The following CCSER2 variants were observed in gnomAD, a reference collection of about 807,000 sequenced individuals.
CCSER2 encodes serine-rich coiled-coil domain-containing protein 2.
A neutral mutation model predicts 92.3 loss-of-function variants in CCSER2; 46 were observed. The observed-to-expected ratio is 0.50, with a 90% CI of 0.39 to 0.64. The LOEUF is 0.64. CCSER2 is among the 30% of genes least tolerant of loss of function. The probability of loss-of-function intolerance (pLI) is 0.00; values close to 1 mark genes in which losing one functional copy is unlikely to be tolerated. For missense variants in CCSER2, 1,244 were observed against 1,238.9 expected (o/e 1.00, Z -0.06); for synonymous variants, 433 against 431.4 (o/e 1.00, Z -0.04).
At chr10:84,360,242 C>T (rs1845423423) in intron 1 of CCSER2, among the ~76,000 whole-genome samples, 1 of 152,026 alleles carries the variant, frequency 6.6e-6, no homozygotes, top group South Asian at 2.1e-4. Context: ...AACTGTCACA[C>T]TCCCTTTTTT....
Position 84,516,774 on chromosome 10 carries a change from T to G in CCSER2, c.*2507T>G, listed in dbSNP as rs1849611015. On this transcript the variant is annotated 3_prime_UTR_variant, in exon 10 of 10. Transcript: ENST00000372088. The stretch of plus-strand genomic sequence containing the variant: ...TCCTTCCCTGATGGATTTGCAGAAA[T>G]GTTAACCAATTAGCTCAACTTTTCT... 1.3e-5 allele frequency: 2 copies of G among 152,204 alleles called. No homozygotes were observed. The allele number at this position is 152,204 out of a possible 1,614,324, so 9.4% of individuals were successfully genotyped here. A position where few individuals can be genotyped will look rare whatever the true frequency, so the allele number is the denominator to read the frequency against.
chr10:84,513,334 C>T, intron 9 of CCSER2, 115 bp from the exon 10 acceptor site: 1 of 770,940 alleles, frequency 1.3e-6, no homozygotes, highest in Non-Finnish European at 2.1e-6. Flanking sequence ...AGAAACTCCA[C>T]ATATTTTCCA....
At chr10:84,401,231 A>T (rs1842100381) in intron 3 of CCSER2, among the ~76,000 whole-genome samples, 1 of 152,166 alleles carries the variant, frequency 6.6e-6, no homozygotes, top group Non-Finnish European at 1.5e-5. Context: ...TGGAATTAAA[A>T]GCCCAAAAGT....
intron 1 of CCSER2, among the ~76,000 whole-genome samples, chr10:84,329,471 A>ACTT (rs1564569541): frequency 6.6e-6 from 1 of 152,220 alleles, no homozygotes; most frequent in Non-Finnish European, 1.5e-5. Context: ...CTCCCAGACA[A>ACTT]GGCCTTAGCG....
At chr10:84,422,359 G>T (rs1843192257) in intron 4 of CCSER2, among the ~76,000 whole-genome samples, 1 of 152,158 alleles carries the variant, frequency 6.6e-6, no homozygotes, top group African/African-American at 2.4e-5. Flanking sequence ...ATATTTTAGT[G>T]CCTGTATCAA....
chr10:84,338,636 T>A (rs1343745093), intron 1 of CCSER2, among the ~76,000 whole-genome samples: 1 of 152,220 alleles, frequency 6.6e-6, no homozygotes, highest in Admixed American at 6.5e-5. Flanking sequence ...AATTTTGATT[T>A]AGCAACCTAT....
intron 1 of CCSER2, among the ~76,000 whole-genome samples, chr10:84,353,011 C>T (rs1340479578): frequency 1.3e-5 from 2 of 152,120 alleles, no homozygotes; most frequent in Non-Finnish European, 2.9e-5. Flanking sequence ...AGGCTGGTCT[C>T]GAACTCCTGA....
In CCSER2 at chr10:84,513,994, T is replaced by C; in HGVS notation, c.2871T>C (p.Asn957=). 6.5e-7 allele frequency: 1 copy of C among 1,536,680 alleles called. No homozygotes were observed. Among genetic ancestry groups the C allele is most frequent in the African/African-American group, 1.4e-5 (1 of 73,148 alleles). Residue 957 remains asparagine (N), a synonymous_variant, in exon 10 of 10, where the codon AAT becomes AAC. Coordinates refer to ENST00000372088, the MANE Select transcript of CCSER2 (RefSeq NM_001284240.2). ...AGTCACCAATAATCACAACATGTAATTCAGCAAAACTTCAGCCAACATCTA... is the reference window on the plus strand; with the variant it reads ...AGTCACCAATAATCACAACATGTAACTCAGCAAAACTTCAGCCAACATCTA... ...CKKSPIITTC[N]SAKLQPTSSQ...
intron 6 of CCSER2, among the ~76,000 whole-genome samples, chr10:84,457,307 T>TAAA (rs1476681927): frequency 0.048 from 2,554 of 53,496 alleles, 131 homozygotes; most frequent in Non-Finnish European, 0.068. Flanking sequence ...ATATAATATG[T>TAAA]TATATATAAT....
chr10:84,457,350 A>T (rs1231645778), intron 6 of CCSER2, among the ~76,000 whole-genome samples: 10 of 66,330 alleles, frequency 1.5e-4, no homozygotes, highest in Admixed American at 4.7e-4. Flanking sequence ...TATTATATAT[A>T]ATATATATAT....
intron 1 of CCSER2, among the ~76,000 whole-genome samples, chr10:84,364,343 A>G (rs895765089): frequency 2.0e-5 from 3 of 152,248 alleles, no homozygotes; most frequent in African/African-American, 4.8e-5. Flanking sequence ...TCATGGGACC[A>G]TCGTTGTAAA....
At chr10:84,453,074 G>T (rs189024415) in intron 6 of CCSER2, among the ~76,000 whole-genome samples, 78 of 152,238 alleles carry the variant, frequency 5.1e-4, no homozygotes, top group African/African-American at 1.9e-3. Context: ...AAAAGGAGCA[G>T]AATTTTTTGA....
chr10:84,351,420 T>C (rs1397701863), intron 1 of CCSER2, among the ~76,000 whole-genome samples: 1 of 151,984 alleles, frequency 6.6e-6, no homozygotes, highest in African/African-American at 2.4e-5. Context: ...TTAGTAGAGA[T>C]GAGGTTTCGT....
intron 9 of CCSER2, among the ~76,000 whole-genome samples, chr10:84,482,206 C>T (rs1022367384): frequency 6.6e-6 from 1 of 151,874 alleles, no homozygotes; most frequent in Non-Finnish European, 1.5e-5. Flanking sequence ...AAGAATGAGC[C>T]GTAAGAGCAG....
At chr10:84,396,252 TATAG>T (rs1328080862) in intron 3 of CCSER2, among the ~76,000 whole-genome samples, 9 of 150,200 alleles carry the variant, frequency 6.0e-5, no homozygotes, top group South Asian at 2.1e-4. Context: ...CATACATAGT[TATAG>T]ATATAGTATA....
chr10:84,424,400 A>G (rs1464147309), intron 4 of CCSER2, among the ~76,000 whole-genome samples: 2 of 152,140 alleles, frequency 1.3e-5, no homozygotes, highest in Non-Finnish European at 1.5e-5. Context: ...TTAAATGTAT[A>G]TTTCTTCTTC....
chr10:84,431,721 A>G (rs998358964), intron 5 of CCSER2, among the ~76,000 whole-genome samples: 3 of 152,184 alleles, frequency 2.0e-5, no homozygotes, highest in African/African-American at 7.2e-5. Context: ...CCTGGACAAC[A>G]GAGAGAGACC....
At chr10:84,424,571 A>G (rs919818261) in intron 4 of CCSER2, among the ~76,000 whole-genome samples, 17 of 152,184 alleles carry the variant, frequency 1.1e-4, no homozygotes, top group Admixed American at 9.8e-4. Context: ...TGGAATGCCA[A>G]AGTTTGTTTT....
chr10:84,430,694 G>T (rs906211482), intron 5 of CCSER2, among the ~76,000 whole-genome samples: 1 of 152,190 alleles, frequency 6.6e-6, no homozygotes, highest in Non-Finnish European at 1.5e-5. Flanking sequence ...CTACCACAAA[G>T]GTAAGGAGAT....
Sources: allele counts gnomAD v4.1 joint callset (sites outside exome capture counted in the v4.1 genomes callset), GRCh38; gene constraint gnomAD v4.1.1; transcripts MANE v1.5; gene names NCBI Gene and HGNC (gene_info 2026-07-23, HGNC 2026-07-21).